DPP10: variants seen among roughly 807,000 people sequenced by gnomAD.
DPP10 encodes inactive dipeptidyl peptidase 10.
In DPP10, 33 loss-of-function variants were observed where a neutral mutation model predicts 120.9. The observed-to-expected ratio is 0.27, with a 90% CI of 0.21 to 0.37. DPP10 has a LOEUF of 0.37. Among genes scored for constraint, DPP10 ranks in the 10% least tolerant of loss-of-function variants. The probability of loss-of-function intolerance (pLI) is 1.00; values close to 1 mark genes in which losing one functional copy is unlikely to be tolerated. For missense variants in DPP10, 816 were observed against 942.8 expected (o/e 0.87, Z 1.76); for synonymous variants, 337 against 326.1 (o/e 1.03, Z -0.36).
intron 1 of DPP10, among the ~76,000 whole-genome samples, chr2:114,574,191 T>G (rs1279733542): frequency 6.6e-6 from 1 of 152,200 alleles, no homozygotes; most frequent in Non-Finnish European, 1.5e-5. Flanking sequence ...CCGCCTCATG[T>G]GACTAGACCC....
intron 7 of DPP10, among the ~76,000 whole-genome samples, chr2:115,723,920 G>A (rs913435335): frequency 6.6e-6 from 1 of 152,124 alleles, no homozygotes; most frequent in African/African-American, 2.4e-5. Flanking sequence ...AATGCATGGA[G>A]ATTTTTGAAT....
chr2:115,388,476 G>A (rs938750500), intron 3 of DPP10, among the ~76,000 whole-genome samples: 1 of 152,174 alleles, frequency 6.6e-6, no homozygotes, highest in African/African-American at 2.4e-5. Flanking sequence ...GGTGAGAGAT[G>A]TAGGTGGTTC....
At chr2:114,757,657 G>A (rs1679907003) in intron 1 of DPP10, among the ~76,000 whole-genome samples, 1 of 152,108 alleles carries the variant, frequency 6.6e-6, no homozygotes, top group Non-Finnish European at 1.5e-5. Context: ...ATATATAACA[G>A]AAATTAGTAG....
At chr2:115,835,159 C>T (rs932111343) in intron 21 of DPP10, among the ~76,000 whole-genome samples, 1 of 150,688 alleles carries the variant, frequency 6.6e-6, no homozygotes, top group Admixed American at 6.6e-5. Context: ...AAGAGAAAAA[C>T]AAACAGAAGC....
rs35798293 is a variant in DPP10 at position 115,123,951 on chromosome 2, CT to C, written c.61-185274del. Among the ~76,000 whole-genome samples the C allele has an allele frequency of 6.7e-3, 955 of 141,736 alleles. 1 individual carries two copies. The highest frequency in any genetic ancestry group is 8.4e-3 in the African/African-American group (327 of 38,854). 93.0% of individuals were successfully genotyped at this position (141,736 alleles called of 152,430 possible). A position where few individuals can be genotyped will look rare whatever the true frequency, so the allele number is the denominator to read the frequency against. Reference sequence around the variant, plus strand: ...ATATAAAATGCCTGTCTGATTATGCCTTTTTTTTTTTTTTAGACAAAGTCTC... The same window carrying C: ...ATATAAAATGCCTGTCTGATTATGCCTTTTTTTTTTTTTAGACAAAGTCTC... On this transcript the variant is annotated intron_variant, in intron 1 of 25. Transcript: ENST00000410059.
intron 1 of DPP10, among the ~76,000 whole-genome samples, chr2:115,216,440 A>C (rs1006834520): frequency 1.2e-4 from 18 of 152,202 alleles, no homozygotes; most frequent in African/African-American, 4.1e-4. Flanking sequence ...TTATAAACGC[A>C]TATGTACGTA....
At chr2:115,369,456 T>C (rs1391211347) in intron 3 of DPP10, among the ~76,000 whole-genome samples, 2 of 152,094 alleles carry the variant, frequency 1.3e-5, no homozygotes, top group African/African-American at 4.8e-5. Flanking sequence ...ATTACTTAAA[T>C]ATCAATTTAT....
At chr2:115,521,452 G>A (rs767028262) in intron 4 of DPP10, among the ~76,000 whole-genome samples, 3 of 151,956 alleles carry the variant, frequency 2.0e-5, no homozygotes, top group Non-Finnish European at 4.4e-5. Flanking sequence ...TATAAAATTC[G>A]AATGTCTAAA....
chr2:115,115,793 G>C (rs2049473536), intron 1 of DPP10, among the ~76,000 whole-genome samples: 1 of 152,116 alleles, frequency 6.6e-6, no homozygotes, highest in African/African-American at 2.4e-5. Context: ...AAAAGAAAAT[G>C]CTCAAGATAA....
At position 114,605,970 on chromosome 2, in the gene DPP10, G is replaced by A. The variant is rs541712188; in HGVS notation, c.60+163132G>A. On this transcript the variant is annotated intron_variant, in intron 1 of 25. Coordinates refer to ENST00000410059, the MANE Select transcript of DPP10 (RefSeq NM_020868.6). ...AAGTGGGTAACTTGCCTGTTTGGAA[G>A]CCACTACCTGTTATGAACAAGGCTT... Among the ~76,000 whole-genome samples, 29 of 152,190 alleles carry A rather than the reference G, an allele frequency of 1.9e-4. 1 individual carries two copies. The highest frequency in any genetic ancestry group is 6.5e-4 in the African/African-American group (27 of 41,538).
chr2:115,236,434 T>A (rs1358326764), intron 1 of DPP10, among the ~76,000 whole-genome samples: 1 of 152,146 alleles, frequency 6.6e-6, no homozygotes, highest in Non-Finnish European at 1.5e-5. Flanking sequence ...AGAGGGGAAG[T>A]CATTTTCTTT....
At chr2:114,565,156 T>C (rs1325317771) in intron 1 of DPP10, among the ~76,000 whole-genome samples, 1 of 152,308 alleles carries the variant, frequency 6.6e-6, no homozygotes, top group African/African-American at 2.4e-5. Context: ...ATCCTGGCTG[T>C]GTTCCTGTTC....
At position 114,783,989 on chromosome 2, in the gene DPP10, C is replaced by T. The variant is rs76907668; in HGVS notation, c.60+341151C>T. The stretch of plus-strand genomic sequence containing the variant: ...CTCCTGCCTTGGGGTTTCTGTAAGG[C>T]TGTGGCAAGTAATGCCAGAAAAACC... On this transcript the variant is annotated intron_variant, in intron 1 of 25. Coordinates refer to ENST00000410059, the MANE Select transcript of DPP10 (RefSeq NM_020868.6). Among the ~76,000 whole-genome samples, 65 of 152,148 alleles carry T rather than the reference C, an allele frequency of 4.3e-4. 2 individuals are homozygous for T. In the East Asian group the frequency reaches 0.012, roughly 29 times the overall value.
intron 1 of DPP10, among the ~76,000 whole-genome samples, chr2:115,244,819 A>G (rs1360172820): frequency 6.8e-6 from 1 of 147,510 alleles, no homozygotes; most frequent in Non-Finnish European, 1.5e-5. Context: ...ACATGTGTAT[A>G]TATATATGTA....
intron 5 of DPP10, among the ~76,000 whole-genome samples, chr2:115,663,852 G>A (rs1256541821): frequency 2.6e-5 from 4 of 151,928 alleles, no homozygotes; most frequent in Admixed American, 6.6e-5. Flanking sequence ...AAAATTAGCC[G>A]GGTGTGGTGG....
At chr2:114,677,979 G>A (rs1698777327) in intron 1 of DPP10, among the ~76,000 whole-genome samples, 2 of 152,056 alleles carry the variant, frequency 1.3e-5, no homozygotes, top group African/African-American at 4.8e-5. Flanking sequence ...GATATGGAGT[G>A]TTTTCATTAT....
chr2:115,141,910 A>T (rs2050948168), intron 1 of DPP10, among the ~76,000 whole-genome samples: 2 of 151,634 alleles, frequency 1.3e-5, no homozygotes, highest in Admixed American at 1.3e-4. Context: ...TGTAGGGGGG[A>T]CTACAGGTGC....
intron 1 of DPP10, among the ~76,000 whole-genome samples, chr2:115,166,585 A>C (rs1052021020): frequency 8.6e-6 from 1 of 116,954 alleles, no homozygotes; most frequent in Non-Finnish European, 1.9e-5. Context: ...TAAATATTAT[A>C]TATAAGGCAT....
chr2:115,148,808 A>T (rs897163965), intron 1 of DPP10, among the ~76,000 whole-genome samples: 1 of 152,198 alleles, frequency 6.6e-6, no homozygotes, highest in Admixed American at 6.5e-5. Context: ...CTAGCCATCC[A>T]GAAGTCTCTA....
Sources: gnomAD v4.1 joint callset for allele counts (sites outside exome capture counted in the v4.1 genomes callset) on GRCh38, gnomAD v4.1.1 for gene constraint, MANE v1.5 for transcripts, NCBI Gene and HGNC (gene_info 2026-07-23, HGNC 2026-07-21) for gene names.